The following SDHB variants were observed in gnomAD, a reference collection of about 807,000 sequenced individuals.
SDHB encodes succinate dehydrogenase complex iron sulfur subunit B.
In SDHB, 21 loss-of-function variants were observed where a neutral mutation model predicts 39.7. The observed-to-expected ratio is 0.53, with a 90% CI of 0.37 to 0.76. SDHB has a LOEUF of 0.76. Among genes scored for constraint, SDHB ranks in the 30% least tolerant of loss-of-function variants. The probability of loss-of-function intolerance (pLI) is 0.00; values close to 1 mark genes in which losing one functional copy is unlikely to be tolerated. For missense variants in SDHB, 343 were observed against 350.9 expected, an observed-to-expected ratio of 0.98 and a Z score of 0.18; for synonymous variants, 118 against 117.0, an observed-to-expected ratio of 1.01 and a Z score of -0.06.
At chr1:17,039,634 G>A (rs190887381) in intron 2 of SDHB, among the ~76,000 whole-genome samples, 260 of 151,984 alleles carry the variant, frequency 1.7e-3, no homozygotes, top group African/African-American at 6.0e-3. Flanking sequence ...AAGAAAAAAA[G>A]TTACTCTAGA....
intron 1 of SDHB, among the ~76,000 whole-genome samples, chr1:17,050,811 C>T (rs1449293361): frequency 6.6e-6 from 1 of 152,136 alleles, no homozygotes; most frequent in Non-Finnish European, 1.5e-5. Flanking sequence ...AGAGTTAATT[C>T]TCAGGATTAT....
intron 1 of SDHB, among the ~76,000 whole-genome samples, chr1:17,046,006 C>T (rs2078108710): frequency 6.6e-6 from 1 of 152,124 alleles, no homozygotes; most frequent in South Asian, 2.1e-4. Flanking sequence ...GTTCAACATG[C>T]TAAAAACCTT....
chr1:17,048,502 C>T (rs1006004868), intron 1 of SDHB, among the ~76,000 whole-genome samples: 1 of 151,980 alleles, frequency 6.6e-6, no homozygotes, highest in African/African-American at 2.4e-5. Flanking sequence ...GGATAAACAC[C>T]CAGGTGTGTA....
chr1:17,022,809 A>G (rs776662815), intron 6 of SDHB, 79 bp from the exon 7 acceptor site: 77 of 1,541,210 alleles, frequency 5.0e-5, no homozygotes, highest in Non-Finnish European at 6.2e-5. Flanking sequence ...AAGCTCTGGG[A>G]GTGCAGAGGA....
intron 2 of SDHB, among the ~76,000 whole-genome samples, chr1:17,037,510 G>A (rs1347070085): frequency 1.3e-5 from 2 of 151,426 alleles, no homozygotes; most frequent in South Asian, 2.1e-4. Context: ...AGGCTGGAGT[G>A]CAGTGGCGTG....
intron 1 of SDHB, among the ~76,000 whole-genome samples, chr1:17,047,934 C>T (rs1006589127): frequency 6.6e-6 from 1 of 152,026 alleles, no homozygotes; most frequent in Non-Finnish European, 1.5e-5. Context: ...TCTGCCTGGC[C>T]CTCCCGAAGA....
At chr1:17,024,104 T>C in intron 5 of SDHB, 30 bp from the exon 6 acceptor site, 1 of 1,504,028 alleles carries the variant, frequency 6.6e-7, no homozygotes, top group Non-Finnish European at 9.2e-7. Context: ...AGGCAGGAGC[T>C]TGTGACGGGA....
intron 2 of SDHB, among the ~76,000 whole-genome samples, chr1:17,041,375 A>G (rs1205323692): frequency 6.6e-6 from 1 of 152,142 alleles, no homozygotes; most frequent in African/African-American, 2.4e-5. Context: ...AAATTTAAAA[A>G]TTCTTTAAAT....
At chr1:17,019,393 A>T (rs2077948640) in intron 7 of SDHB, among the ~76,000 whole-genome samples, 1 of 152,188 alleles carries the variant, frequency 6.6e-6, no homozygotes, top group African/African-American at 2.4e-5. Flanking sequence ...AAGTATGTGG[A>T]AGAAACTACC....
chr1:17,047,507 TC>T (rs2078118631), intron 1 of SDHB, among the ~76,000 whole-genome samples: 1 of 151,376 alleles, frequency 6.6e-6, no homozygotes, highest in African/African-American at 2.4e-5. Flanking sequence ...TGAAACCCCG[TC>T]CCTACTAAAA....
rs121917755 is a variant in SDHB, at chr1:17,028,724, G to C, written c.299C>G (p.Ser100Cys). 9.3e-6 allele frequency: 15 copies of C among 1,614,044 alleles called. No individual in the cohort carries two copies. The highest frequency in any genetic ancestry group is 1.3e-5 in the Non-Finnish European group (15 of 1,180,034). Residue 100 changes from serine to cysteine, a missense_variant, in exon 4 of 8, where the codon TCT (serine) becomes TGT (cysteine). Physicochemically the swap from Ser to Cys is moderately radical, Grantham distance 112. Transcript: ENST00000375499. ...GCCTCCATTGATGTTCATTGCACAAGAGCCACAGATGCCTGAAAGAGACAC... is the reference window on the plus strand; with the variant it reads ...GCCTCCATTGATGTTCATTGCACAACAGCCACAGATGCCTGAAAGAGACAC... ...RRSCREGICG[S>C]CAMNINGGNT...
At position 17,023,748 on chromosome 1, in the gene SDHB, T is replaced by C. The variant is rs2647162; in HGVS notation, c.642+225A>G. ...ATCTGCAAGGCATGGTTTGCACCCC[T>C]TTGGGGTGACCCTCACTGCACTGAA... On this transcript the variant is annotated intron_variant, in intron 6 of 7. Coordinates refer to ENST00000375499, the MANE Select transcript of SDHB (RefSeq NM_003000.3). Among the ~76,000 whole-genome samples, 39,898 of 152,214 alleles carry C rather than the reference T, an allele frequency of 0.26. 7,190 individuals are homozygous for C. Among genetic ancestry groups the C allele is most frequent in the African/African-American group, 0.51 (21,372 of 41,502 alleles).
chr1:17,039,314 G>A (rs1557744743), intron 2 of SDHB, among the ~76,000 whole-genome samples: 3 of 151,006 alleles, frequency 2.0e-5, no homozygotes, highest in South Asian at 4.2e-4. Context: ...GCTGGGCATG[G>A]TGGCTCACAC....
At chr1:17,048,498 A>G (rs905034561) in intron 1 of SDHB, among the ~76,000 whole-genome samples, 2 of 152,144 alleles carry the variant, frequency 1.3e-5, no homozygotes, top group African/African-American at 4.8e-5. Context: ...CTCAGGATAA[A>G]CACCCAGGTG....
chr1:17,038,935 C>T (rs1444450956), intron 2 of SDHB, among the ~76,000 whole-genome samples: 2 of 152,064 alleles, frequency 1.3e-5, no homozygotes, highest in African/African-American at 4.8e-5. Context: ...GGGTTTTCCC[C>T]CTTTATTCTG....
At chr1:17,036,856 T>C (rs1440690441) in intron 2 of SDHB, among the ~76,000 whole-genome samples, 2 of 151,378 alleles carry the variant, frequency 1.3e-5, no homozygotes, top group Non-Finnish European at 2.9e-5. Context: ...CTTGCTATTG[T>C]TGCCCAGGCT....
chr1:17,048,336 G>C (rs1016094089), intron 1 of SDHB, among the ~76,000 whole-genome samples: 2 of 152,134 alleles, frequency 1.3e-5, no homozygotes, highest in African/African-American at 4.8e-5. Context: ...TCTTGTTATA[G>C]CTGAGTAGCA....
At chr1:17,022,449 A>G (rs573415514) in intron 7 of SDHB, among the ~76,000 whole-genome samples, 159 bp downstream of exon 7, 1 of 152,238 alleles carries the variant, frequency 6.6e-6, no homozygotes, top group East Asian at 1.9e-4. Context: ...CTAAGAGCCA[A>G]ACTAGCCCCT....
intron 1 of SDHB, among the ~76,000 whole-genome samples, chr1:17,049,398 T>G (rs2078132211): frequency 6.6e-6 from 1 of 151,766 alleles, no homozygotes; most frequent in African/African-American, 2.4e-5. Flanking sequence ...CTCAGGCTCA[T>G]GCAATTCTCC....
Sources: allele counts gnomAD v4.1 joint callset (sites outside exome capture counted in the v4.1 genomes callset), GRCh38; gene constraint gnomAD v4.1.1; transcripts MANE v1.5; gene names NCBI Gene and HGNC (gene_info 2026-07-23, HGNC 2026-07-21).